ITGA11: variants seen among roughly 807,000 people sequenced by gnomAD.
ITGA11 encodes the protein integrin subunit alpha 11, also known as integrin alpha-11.
ITGA11 carries 97 observed loss-of-function variants against 141.9 expected under a neutral mutation model. That is an observed-to-expected ratio of 0.68 (90% confidence interval 0.58 to 0.81). The LOEUF is 0.81. Ranked by LOEUF, ITGA11 falls within the 30% of genes least tolerant of loss-of-function variation. The probability of loss-of-function intolerance (pLI) is 0.00; values close to 1 mark genes in which losing one functional copy is unlikely to be tolerated. For synonymous variants in ITGA11, 658 were observed against 624.6 expected (o/e 1.05, Z -0.80); for missense variants, 1,387 against 1,559.2 (o/e 0.89, Z 1.86).
intron 2 of ITGA11, among the ~76,000 whole-genome samples, chr15:68,373,949 C>T (rs1895662337): frequency 6.6e-6 from 1 of 152,172 alleles, no homozygotes; most frequent in Admixed American, 6.5e-5. Flanking sequence ...CAGACATAGG[C>T]TCAATGACTA....
chr15:68,331,887 C>T lies in ITGA11; in HGVS notation c.1742G>A (p.Arg581Gln), dbSNP rs374711695. The T allele has an allele frequency of 1.8e-5, 29 of 1,612,738 alleles. No homozygotes were observed. Among genetic ancestry groups the T allele is most frequent in the South Asian group, 9.9e-5 (9 of 90,678 alleles). ...AGAIYIFHGFRGSILKTPKQR... is the reference protein window; with the variant it reads ...AGAIYIFHGFQGSILKTPKQR... The stretch of plus-strand genomic sequence containing the variant: ...CTTAGGTGTCTTCAGGATGCTGCCT[C>T]GGAAGCCGTGGAAGATGTAGATGGC... The change falls in exon 14 of 30, where the codon CGA becomes CAA. Residue 581 changes from arginine (R) to glutamine (Q), a missense_variant. Physicochemically the swap from Arg to Gln is conservative, Grantham distance 43 (BLOSUM62 1). Coordinates refer to ENST00000315757, the MANE Select transcript of ITGA11 (RefSeq NM_001004439.2).
At chr15:68,400,642 T>A (rs1370482545) in intron 2 of ITGA11, among the ~76,000 whole-genome samples, 4 of 64,086 alleles carry the variant, frequency 6.2e-5, no homozygotes, top group African/African-American at 2.5e-4. Flanking sequence ...TATTATAATA[T>A]TATATATTAT....
Position 68,326,827 on chromosome 15 carries a change from G to T in ITGA11, c.2069-31C>A, listed in dbSNP as rs1484084331. On this transcript the variant is annotated intron_variant, in intron 16 of 29. Transcript: ENST00000315757. This position sits in a 1 kb window ranked among gnomAD's most constrained non-coding sequence, Gnocchi z 6.8. ...GGAGGGGAGAGGGCAAGACCACAAA[G>T]GTGGAGCCACATGCCCATCCAAGAC... 11 of 1,560,272 alleles carry T rather than the reference G, an allele frequency of 7.1e-6. No individual in the cohort carries two copies. Among genetic ancestry groups the T allele is most frequent in the Non-Finnish European group, 9.6e-6 (11 of 1,151,500 alleles).
At chr15:68,372,536 A>G (rs1895622357) in intron 2 of ITGA11, among the ~76,000 whole-genome samples, 1 of 152,230 alleles carries the variant, frequency 6.6e-6, no homozygotes, top group South Asian at 2.1e-4. Context: ...GCGGAGGCGC[A>G]GGGAGCAGGG....
intron 12 of ITGA11, among the ~76,000 whole-genome samples, chr15:68,333,000 A>G (rs1282671507): frequency 6.6e-6 from 1 of 152,190 alleles, no homozygotes; most frequent in African/African-American, 2.4e-5. Flanking sequence ...ACATTTTTCT[A>G]TGATGTATTA....
chr15:68,375,619 C>A (rs1895708925), intron 2 of ITGA11, among the ~76,000 whole-genome samples: 1 of 152,190 alleles, frequency 6.6e-6, no homozygotes, highest in Admixed American at 6.5e-5. Flanking sequence ...TTGGCTCACA[C>A]ATCTGGTGAG....
rs372857290 is a variant in ITGA11, at chr15:68,369,309, A to G, written c.165-25T>C. Reference sequence around the variant, plus strand: ...CCTGGGAAGGAAGAGAAGATGAGCAAAGACATTGGGGGAGGTACTCTTTCC... The same window carrying G: ...CCTGGGAAGGAAGAGAAGATGAGCAGAGACATTGGGGGAGGTACTCTTTCC... On this transcript the variant is annotated intron_variant, in intron 2 of 29. Transcript: ENST00000315757. The G allele has an allele frequency of 9.8e-5, 143 of 1,462,770 alleles. No individual in the cohort carries two copies. In the African/African-American group the frequency reaches 1.9e-3, roughly 20 times the overall value. 90.6% of individuals were successfully genotyped at this position (1,462,770 alleles called of 1,614,324 possible).
At chr15:68,378,439 G>A (rs1469962437) in intron 2 of ITGA11, among the ~76,000 whole-genome samples, 2 of 152,094 alleles carry the variant, frequency 1.3e-5, no homozygotes, top group South Asian at 2.1e-4. Context: ...GAGACCAGGA[G>A]TTCAAGAGCA....
At chr15:68,375,053 T>C (rs1388263086) in intron 2 of ITGA11, among the ~76,000 whole-genome samples, 1 of 152,164 alleles carries the variant, frequency 6.6e-6, no homozygotes, top group Non-Finnish European at 1.5e-5. Flanking sequence ...TGCTCTTTTT[T>C]TCATTGTGAA....
intron 2 of ITGA11, among the ~76,000 whole-genome samples, chr15:68,388,390 G>A (rs1896035702): frequency 6.6e-6 from 1 of 151,720 alleles, no homozygotes; most frequent in South Asian, 2.1e-4. Flanking sequence ...CTATCATCCT[G>A]TCATGGCGGC....
chr15:68,357,108 T>A, intron 7 of ITGA11, 43 bp downstream of exon 7: 1 of 1,587,764 alleles, frequency 6.3e-7, no homozygotes. Flanking sequence ...TACAATAGCA[T>A]CTGAGATCTA....
intron 11 of ITGA11, among the ~76,000 whole-genome samples, chr15:68,337,751 G>A (rs992262542): frequency 6.6e-6 from 1 of 152,010 alleles, no homozygotes; most frequent in African/African-American, 2.4e-5. Context: ...AAGCTCAAAC[G>A]TCTTAATCTG....
At chr15:68,316,807 G>GTCTCCCTCCCTTTCCCAGCTACTTTGCT (rs1893595608) in intron 21 of ITGA11, among the ~76,000 whole-genome samples, 4 of 152,290 alleles carry the variant, frequency 2.6e-5, no homozygotes, top group East Asian at 3.9e-4. Context: ...GCAATCTGGC[G>GTCTCCCTCCCTTTCCCAGCTACTTTGCT]TCTCCCTCCC....
intron 10 of ITGA11, among the ~76,000 whole-genome samples, chr15:68,341,975 G>T (rs1412382216): frequency 6.6e-6 from 1 of 152,226 alleles, no homozygotes; most frequent in East Asian, 1.9e-4. Flanking sequence ...TCTTGGGCCT[G>T]CAGTGGGAGG....
intron 10 of ITGA11, chr15:68,340,942 G>A (rs1894547837): frequency 6.6e-6 from 1 of 152,220 alleles, no homozygotes; most frequent in East Asian, 1.9e-4. Flanking sequence ...CAGACTGTCT[G>A]GATCCCAGCT....
At chr15:68,429,088 CTGA>C (rs1165560170) in intron 1 of ITGA11, among the ~76,000 whole-genome samples, 4 of 152,316 alleles carry the variant, frequency 2.6e-5, no homozygotes, top group African/African-American at 7.2e-5. Context: ...ACTGCTGCTG[CTGA>C]TGATGTTGGA....
intron 1 of ITGA11, among the ~76,000 whole-genome samples, chr15:68,425,250 AG>A (rs1182943015): frequency 6.6e-6 from 1 of 152,208 alleles, no homozygotes; most frequent in Non-Finnish European, 1.5e-5. Context: ...ACAGTGGCTG[AG>A]GGCCTCATGT....
intron 7 of ITGA11, among the ~76,000 whole-genome samples, chr15:68,355,813 A>T (rs1895055718): frequency 6.6e-6 from 1 of 151,860 alleles, no homozygotes. Context: ...CTAAGGTGGG[A>T]TTATAAGGTA....
At position 68,312,861 on chromosome 15, in the gene ITGA11, C is replaced by T; in HGVS notation, c.2885G>A (p.Ser962Asn). The T allele has an allele frequency of 6.2e-7, 1 of 1,611,804 alleles. No homozygotes were observed. The highest frequency in any genetic ancestry group is 1.1e-5 in the South Asian group (1 of 91,012). The change falls in exon 24 of 30, where the codon AGC (serine) becomes AAC (asparagine). Residue 962 changes from serine to asparagine, a missense_variant and splice_region_variant. Physicochemically the swap from Ser to Asn is conservative, Grantham distance 46. Coordinates refer to ENST00000315757, the MANE Select transcript of ITGA11 (RefSeq NM_001004439.2). The part of the protein sequence containing the change: ...KYEADVLFTR[S>N]SSLSHYEVKP... ...GACCTCGTAGTGGCTCAGGCTGCTG[C>T]TCCTGCGGAGACAGAGGACAGGGCT...
Sources: allele counts gnomAD v4.1 joint callset (sites outside exome capture counted in the v4.1 genomes callset), GRCh38; gene constraint gnomAD v4.1.1; non-coding constraint Gnocchi (gnomAD v3.1); transcripts MANE v1.5; gene names NCBI Gene and HGNC (gene_info 2026-07-23, HGNC 2026-07-21).